The following EPB41L4A variants were observed in gnomAD, a reference collection of about 807,000 sequenced individuals.
EPB41L4A encodes the protein band 4.1-like protein 4A.
Under a neutral mutation model 108.6 loss-of-function variants are expected in EPB41L4A, and 100 were observed. The ratio of observed to expected loss-of-function variants is 0.92; its 90% confidence interval spans 0.78 to 1.09. EPB41L4A has a LOEUF of 1.09. Ranked by LOEUF, EPB41L4A falls within the 50% of genes least tolerant of loss-of-function variation. The pLI, the probability that EPB41L4A is intolerant of heterozygous loss-of-function variation, is 0.00. For synonymous variants in EPB41L4A, 319 were observed against 289.0 expected, an observed-to-expected ratio of 1.10 and a Z score of -1.05; for missense variants, 1,030 against 842.7, an observed-to-expected ratio of 1.22 and a Z score of -2.75.
In EPB41L4A at chr5:112,389,325, T is replaced by C. The variant is rs1760775354; in HGVS notation, c.99+29616A>G. Among the ~76,000 whole-genome samples the C allele has an allele frequency of 2.6e-5, 4 of 152,196 alleles. No individual in the cohort carries two copies. In the South Asian group the frequency reaches 8.3e-4, roughly 32 times the overall value. ...AATAAAAATCATAGGAGGCCACTGT[T>C]TTGGACTAAGCTCCTACACTAGGCC... On this transcript the variant is annotated intron_variant, in intron 1 of 22. Coordinates refer to ENST00000261486, the MANE Select transcript of EPB41L4A (RefSeq NM_022140.5).
chr5:112,358,305 T>A (rs1392941332), intron 1 of EPB41L4A, among the ~76,000 whole-genome samples: 1 of 152,242 alleles, frequency 6.6e-6, no homozygotes, highest in African/African-American at 2.4e-5. Flanking sequence ...TTACTCCATG[T>A]TTTTCAGGGA....
chr5:112,202,655 T>C (rs911387814), intron 15 of EPB41L4A, among the ~76,000 whole-genome samples: 2 of 152,164 alleles, frequency 1.3e-5, no homozygotes, highest in Admixed American at 1.3e-4. Context: ...TCAGTCCTAC[T>C]ACATGAAGGT....
chr5:112,267,394 T>G (rs528809028), intron 4 of EPB41L4A, among the ~76,000 whole-genome samples: 162 of 152,352 alleles, frequency 1.1e-3, no homozygotes, highest in African/African-American at 3.8e-3. Flanking sequence ...AAATGTTACA[T>G]GTGTTAGATA....
chr5:112,173,263 T>C (rs7717321), intron 18 of EPB41L4A, among the ~76,000 whole-genome samples: 18,786 of 152,096 alleles, frequency 0.12, 1,740 homozygotes, highest in African/African-American at 0.25. Context: ...AGTGGTATCA[T>C]GTGAGGGCAT....
intron 1 of EPB41L4A, among the ~76,000 whole-genome samples, chr5:112,328,339 A>G (rs1273378052): frequency 6.6e-6 from 1 of 152,172 alleles, no homozygotes; most frequent in African/African-American, 2.4e-5. Flanking sequence ...GGGGAGAAAG[A>G]TGTGAGAAGT....
chr5:112,331,194 G>C (rs879450957), intron 1 of EPB41L4A, among the ~76,000 whole-genome samples: 1 of 152,096 alleles, frequency 6.6e-6, no homozygotes, highest in African/African-American at 2.4e-5. Context: ...GGGCATGGAG[G>C]GACAACTCCA....
chr5:112,417,434 T>C (rs373131585), intron 1 of EPB41L4A, among the ~76,000 whole-genome samples: 130 of 152,364 alleles, frequency 8.5e-4, no homozygotes, highest in African/African-American at 3.1e-3. Context: ...GTTACCTTTT[T>C]CTAATTGTTT....
intron 6 of EPB41L4A, chr5:112,264,118 T>C (rs1751681841): frequency 6.6e-6 from 1 of 152,368 alleles, no homozygotes; most frequent in Non-Finnish European, 1.5e-5. Flanking sequence ...CAGCCATGTT[T>C]TTTTTCCTTA....
At chr5:112,153,628 T>C (rs906574806) in intron 12 of EPB41L4A, among the ~76,000 whole-genome samples, 42 of 146,234 alleles carry the variant, frequency 2.9e-4, no homozygotes, top group African/African-American at 1.1e-3. Context: ...AAGGAGACAT[T>C]AACAAATCCA....
chr5:112,341,098 T>C (rs75493056), intron 1 of EPB41L4A, among the ~76,000 whole-genome samples: 4,799 of 152,280 alleles, frequency 0.032, 258 homozygotes, highest in African/African-American at 0.11. Flanking sequence ...TGTTTTTCTT[T>C]ACGTTTATTG....
intron 2 of EPB41L4A, among the ~76,000 whole-genome samples, chr5:112,287,947 C>T (rs990384274): frequency 5.3e-5 from 8 of 152,250 alleles, no homozygotes; most frequent in Admixed American, 4.6e-4. Flanking sequence ...GAAAGAAGAA[C>T]TATTAAAATA....
intron 1 of EPB41L4A, among the ~76,000 whole-genome samples, chr5:112,315,791 ATC>A (rs1199571803): frequency 5.3e-5 from 8 of 152,082 alleles, no homozygotes; most frequent in African/African-American, 1.9e-4. Context: ...TGCAAAAAAA[ATC>A]TGACAGAAAT....
At chr5:112,241,136 G>C (rs187521345) in intron 9 of EPB41L4A, among the ~76,000 whole-genome samples, 2 of 152,052 alleles carry the variant, frequency 1.3e-5, no homozygotes, top group African/African-American at 4.8e-5. Context: ...GGAAAAGCAC[G>C]GACCATGTGA....
At chr5:112,360,507 G>C (rs7380745) in intron 1 of EPB41L4A, among the ~76,000 whole-genome samples, 21 of 152,186 alleles carry the variant, frequency 1.4e-4, no homozygotes, top group Admixed American at 5.2e-4. Context: ...GCTCCTGACC[G>C]CGAGTGATCT....
intron 6 of EPB41L4A, chr5:112,264,531 A>G (rs1408499851): frequency 8.1e-6 from 1 of 122,752 alleles, no homozygotes; most frequent in African/African-American, 3.3e-5. Context: ...CTGGTGACTG[A>G]AAAAAAAAAA....
intron 1 of EPB41L4A, among the ~76,000 whole-genome samples, chr5:112,339,468 A>AAATATCTATATATATATC (rs1561584809): frequency 2.1e-5 from 1 of 48,268 alleles, no homozygotes; most frequent in African/African-American, 5.6e-5. Context: ...ATAGATATAT[A>AAATATCTATATATATATC]TATATCTATA....
intron 4 of EPB41L4A, among the ~76,000 whole-genome samples, chr5:112,269,450 T>C (rs1049494596): frequency 6.6e-6 from 1 of 152,192 alleles, no homozygotes; most frequent in Non-Finnish European, 1.5e-5. Flanking sequence ...TTATTTTGTA[T>C]ATTTTATGGG....
upstream of EPB41L4A, chr5:112,419,465 G>T (rs774203464): frequency 5.2e-5 from 19 of 363,082 alleles, no homozygotes; most frequent in Non-Finnish European, 8.7e-5. Context: ...TGGAAGCGCT[G>T]CACCTCCCTC....
At chr5:112,286,293 G>T (rs182656783) in intron 2 of EPB41L4A, among the ~76,000 whole-genome samples, 6 of 151,978 alleles carry the variant, frequency 3.9e-5, no homozygotes, top group Admixed American at 1.3e-4. Context: ...CCAATTCCCC[G>T]CATTCTCCAT....
Sources: allele counts gnomAD v4.1 joint callset (sites outside exome capture counted in the v4.1 genomes callset), GRCh38; gene constraint gnomAD v4.1.1; transcripts MANE v1.5; gene names NCBI Gene and HGNC (gene_info 2026-07-23, HGNC 2026-07-21).